The following GLI2 variants were observed in gnomAD, a reference collection of about 807,000 sequenced individuals.
The protein encoded by GLI2 is GLI family zinc finger 2, also known as transcription activator GLI2.
Under a neutral mutation model 78.9 loss-of-function variants are expected in GLI2, and 22 were observed. The observed-to-expected ratio is 0.28, with a 90% CI of 0.20 to 0.40. The LOEUF is 0.40. Ranked by LOEUF, GLI2 falls within the 10% of genes least tolerant of loss-of-function variation. The pLI is 1.00. For missense variants in GLI2, 2,097 were observed against 2,213.2 expected, an observed-to-expected ratio of 0.95 and a Z score of 1.05; for synonymous variants, 974 against 963.7, an observed-to-expected ratio of 1.01 and a Z score of -0.20.
intron 2 of GLI2, among the ~76,000 whole-genome samples, chr2:120,814,646 C>T (rs1040087060): frequency 1.7e-4 from 26 of 152,150 alleles, no homozygotes; most frequent in Non-Finnish European, 3.2e-4. Flanking sequence ...AGATCAGCAG[C>T]GGCATTACAT....
intron 5 of GLI2, among the ~76,000 whole-genome samples, chr2:120,962,424 G>A (rs1267728769): frequency 6.6e-6 from 1 of 152,220 alleles, no homozygotes; most frequent in Non-Finnish European, 1.5e-5. Flanking sequence ...GAGTCCCCAT[G>A]ATGTCCAATC....
intron 2 of GLI2, among the ~76,000 whole-genome samples, chr2:120,883,595 C>T (rs187390028): frequency 1.3e-5 from 2 of 152,334 alleles, no homozygotes; most frequent in East Asian, 1.9e-4. Flanking sequence ...GCTACGCTGA[C>T]CCGTTAAGTC....
chr2:120,978,575 A>G lies in GLI2; in HGVS notation c.1459A>G (p.Lys487Glu). The change falls in exon 10 of 14, where the codon AAG becomes GAG. Residue 487 changes from lysine to glutamate, a missense_variant. Physicochemically the swap from Lys to Glu is moderately conservative, Grantham distance 56. Transcript: ENST00000361492. The stretch of plus-strand genomic sequence containing the variant: ...GCGACACACGGGCGAGAAGCCCCAC[A>G]AGTGCACGGTGAGTGGCCTTCTCCC... Reference protein sequence around the residue: ...MRRHTGEKPHKCTFEGCSKAY... With the variant: ...MRRHTGEKPHECTFEGCSKAY... 6.2e-7 allele frequency: 1 copy of G among 1,613,748 alleles called. No individual in the cohort carries two copies. The highest frequency in any genetic ancestry group is 1.7e-4 in the Middle Eastern group (1 of 6,060).
chr2:120,886,426 T>TAGC (rs1677418298), intron 2 of GLI2, among the ~76,000 whole-genome samples: 1 of 151,916 alleles, frequency 6.6e-6, no homozygotes, highest in African/African-American at 2.4e-5. Context: ...CCACCACACT[T>TAGC]AGCTAAGTTT....
chr2:120,814,621 G>T (rs867244851), intron 2 of GLI2, among the ~76,000 whole-genome samples: 27 of 152,308 alleles, frequency 1.8e-4, no homozygotes, highest in African/African-American at 5.8e-4. Context: ...TACCACCTGA[G>T]CCGCACCTTC....
At chr2:120,945,980 C>CAT (rs1195330041) in intron 3 of GLI2, among the ~76,000 whole-genome samples, 137 of 152,062 alleles carry the variant, frequency 9.0e-4, no homozygotes, top group African/African-American at 3.3e-3. Flanking sequence ...CACACACACA[C>CAT]ACACACACAC....
chr2:120,822,834 A>G (rs962851662), intron 2 of GLI2, among the ~76,000 whole-genome samples: 1 of 152,230 alleles, frequency 6.6e-6, no homozygotes, highest in Non-Finnish European at 1.5e-5. Context: ...GTACGAATGC[A>G]ACCCAAATGG....
intron 5 of GLI2, among the ~76,000 whole-genome samples, chr2:120,965,530 G>A (rs1292254327): frequency 2.8e-5 from 3 of 106,470 alleles, no homozygotes; most frequent in East Asian, 2.9e-4. Flanking sequence ...CAGATGCTGC[G>A]GCAGAGGGGC....
intron 1 of GLI2, among the ~76,000 whole-genome samples, chr2:120,761,687 C>T (rs941011859): frequency 2.0e-4 from 30 of 152,106 alleles, no homozygotes; most frequent in Admixed American, 1.8e-3. Flanking sequence ...CTCAAGCTGC[C>T]GGCCCGTTGT....
At chr2:120,973,538 C>T (rs546139458) in intron 8 of GLI2, among the ~76,000 whole-genome samples, 1 of 152,358 alleles carries the variant, frequency 6.6e-6, no homozygotes, top group Admixed American at 6.5e-5. Flanking sequence ...CTCCCTGACT[C>T]ATTTGTAAGG....
chr2:120,791,421 G>C (rs1684152806), intron 1 of GLI2, among the ~76,000 whole-genome samples: 1 of 152,184 alleles, frequency 6.6e-6, no homozygotes, highest in African/African-American at 2.4e-5. Flanking sequence ...AGCTCCTGGT[G>C]GATACAAGAC....
Position 120,736,048 on chromosome 2 carries a change from G to A in GLI2, c.-268G>A, listed in dbSNP as rs1175701849. Reference sequence around the variant, plus strand: ...AGCCGGAGGAAAGAGCTTGGGCCGCGCGGCGCGCCGCAGCCTCGGGGAGCC... The same window carrying A: ...AGCCGGAGGAAAGAGCTTGGGCCGCACGGCGCGCCGCAGCCTCGGGGAGCC... On this transcript the variant is annotated 5_prime_UTR_variant, in exon 1 of 14. Coordinates refer to ENST00000361492, the MANE Select transcript of GLI2 (RefSeq NM_001374353.1). Among the ~76,000 whole-genome samples the A allele has an allele frequency of 6.6e-6, 1 of 151,536 alleles. No individual in the cohort carries two copies. The highest frequency in any genetic ancestry group is 1.5e-5 in the Non-Finnish European group (1 of 67,870).
chr2:120,960,244 C>T (rs1681482886), intron 5 of GLI2, among the ~76,000 whole-genome samples: 1 of 152,182 alleles, frequency 6.6e-6, no homozygotes, highest in Non-Finnish European at 1.5e-5. Flanking sequence ...CCCGACCTGA[C>T]GCCCCTCATA....
rs568398702 is a variant in GLI2, at chr2:120,959,368, A to G, written c.643+3938A>G. Among the ~76,000 whole-genome samples, 23 of 152,020 alleles carry G rather than the reference A, an allele frequency of 1.5e-4. No individual in the cohort carries two copies. The South Asian group carries it at 4.6e-3, about 30-fold the overall frequency. ...TCCAGTATGGGGTGGGGGTGGGAGC[A>G]TTTTTCTTATCCATGGATTTCAGGA... On this transcript the variant is annotated intron_variant, in intron 5 of 13. Coordinates refer to ENST00000361492, the MANE Select transcript of GLI2 (RefSeq NM_001374353.1).
intron 3 of GLI2, among the ~76,000 whole-genome samples, chr2:120,934,615 C>A (rs898621445): frequency 6.6e-6 from 1 of 152,158 alleles, no homozygotes; most frequent in African/African-American, 2.4e-5. Flanking sequence ...ATAGAGTGAA[C>A]GCCAGCTGGT....
intron 6 of GLI2, among the ~76,000 whole-genome samples, 170 bp downstream of exon 6, chr2:120,969,085 A>G (rs1459499057): frequency 6.6e-6 from 1 of 152,218 alleles, no homozygotes; most frequent in Non-Finnish European, 1.5e-5. Flanking sequence ...ACCAATAATG[A>G]TCAAATTGAA....
At chr2:120,829,609 C>G (rs1367730536) in intron 2 of GLI2, among the ~76,000 whole-genome samples, 1 of 152,216 alleles carries the variant, frequency 6.6e-6, no homozygotes, top group African/African-American at 2.4e-5. Context: ...AGGAGGTTCT[C>G]ATCTGAGTTG....
chr2:120,966,814 G>A (rs1390124983), intron 5 of GLI2, among the ~76,000 whole-genome samples: 2 of 152,210 alleles, frequency 1.3e-5, no homozygotes, highest in East Asian at 1.9e-4. Context: ...AGGCTCGTAG[G>A]CCATCACCCC....
chr2:120,885,418 C>T (rs1490452147), intron 2 of GLI2, among the ~76,000 whole-genome samples: 2 of 152,200 alleles, frequency 1.3e-5, no homozygotes, highest in African/African-American at 4.8e-5. Context: ...GGGGAGGCTG[C>T]CTTCCGAGGG....
Sources: allele counts gnomAD v4.1 joint callset (sites outside exome capture counted in the v4.1 genomes callset), GRCh38; gene constraint gnomAD v4.1.1; transcripts MANE v1.5; gene names NCBI Gene and HGNC (gene_info 2026-07-23, HGNC 2026-07-21).